Variants in MAGI2 observed in about 807,000 individuals in gnomAD.
The protein encoded by MAGI2 is membrane-associated guanylate kinase, WW and PDZ domain-containing protein 2.
Under a neutral mutation model 133.3 loss-of-function variants are expected in MAGI2, and 35 were observed. That is an observed-to-expected ratio of 0.26 (90% CI 0.20 to 0.35). MAGI2 has a LOEUF of 0.35. Ranked by LOEUF, MAGI2 falls within the 10% of genes least tolerant of loss-of-function variation. The probability of loss-of-function intolerance (pLI) is 1.00; values close to 1 mark genes in which losing one functional copy is unlikely to be tolerated. For missense variants in MAGI2, 1,636 were observed against 1,863.4 expected (o/e 0.88, Z 2.25); for synonymous variants, 729 against 710.6 (o/e 1.03, Z -0.41).
chr7:79,198,733 A>G (rs1828319136), intron 1 of MAGI2, among the ~76,000 whole-genome samples: 1 of 151,824 alleles, frequency 6.6e-6, no homozygotes, highest in African/African-American at 2.4e-5. Context: ...CTGAAAATAA[A>G]AAAAATTAGC....
chr7:78,289,423 C>T (rs1459726297), intron 9 of MAGI2, among the ~76,000 whole-genome samples: 1 of 152,016 alleles, frequency 6.6e-6, no homozygotes, highest in Non-Finnish European at 1.5e-5. Context: ...AAAAAATGAA[C>T]AAAGCCTCCA....
chr7:78,789,083 C>T (rs940271722), intron 2 of MAGI2, among the ~76,000 whole-genome samples: 2 of 152,166 alleles, frequency 1.3e-5, no homozygotes, highest in African/African-American at 2.4e-5. Context: ...TAACAGTTCA[C>T]TTTACATATT....
At chr7:79,198,531 A>G (rs1828293876) in intron 1 of MAGI2, among the ~76,000 whole-genome samples, 1 of 152,048 alleles carries the variant, frequency 6.6e-6, no homozygotes, top group African/African-American at 2.4e-5. Flanking sequence ...ATCCTAAGAA[A>G]TAAGGAAGAT....
intron 1 of MAGI2, among the ~76,000 whole-genome samples, chr7:79,273,510 TTGAA>T (rs1376971065): frequency 6.6e-6 from 1 of 152,120 alleles, no homozygotes; most frequent in Non-Finnish European, 1.5e-5. Context: ...GGCTTAAAAA[TTGAA>T]TGGTTGCAAA....
At chr7:78,972,713 C>T (rs1048245609) in intron 2 of MAGI2, among the ~76,000 whole-genome samples, 2 of 151,602 alleles carry the variant, frequency 1.3e-5, no homozygotes, top group South Asian at 4.1e-4. Flanking sequence ...TTATAAAAAA[C>T]CAAGTAAAGT....
At chr7:78,789,115 A>G (rs1228779262) in intron 2 of MAGI2, among the ~76,000 whole-genome samples, 1 of 152,112 alleles carries the variant, frequency 6.6e-6, no homozygotes, top group African/African-American at 2.4e-5. Flanking sequence ...ATGTGCTTCC[A>G]TTTTTAAAAA....
chr7:78,632,994 A>G (rs1290377298), intron 2 of MAGI2, among the ~76,000 whole-genome samples: 3 of 152,214 alleles, frequency 2.0e-5, no homozygotes, highest in African/African-American at 4.8e-5. Flanking sequence ...GAATCAACCT[A>G]TATGTTCTTC....
chr7:78,070,403 C>T (rs1478675837), intron 21 of MAGI2, among the ~76,000 whole-genome samples: 1 of 143,452 alleles, frequency 7.0e-6, no homozygotes, highest in African/African-American at 2.6e-5. Flanking sequence ...CACCTTTTGC[C>T]CTATGTGTGT....
chr7:78,753,747 T>C (rs1823677106), intron 2 of MAGI2, among the ~76,000 whole-genome samples: 1 of 151,452 alleles, frequency 6.6e-6, no homozygotes, highest in Non-Finnish European at 1.5e-5. Context: ...TCATAACCAA[T>C]TCAATCTCAA....
chr7:78,726,377 T>C (rs1820810587), intron 2 of MAGI2, among the ~76,000 whole-genome samples: 1 of 152,216 alleles, frequency 6.6e-6, no homozygotes, highest in African/African-American at 2.4e-5. Flanking sequence ...TAACTTGAAA[T>C]GTATCTTTGT....
chr7:78,184,743 G>A (rs933031195), intron 13 of MAGI2: 10 of 152,052 alleles, frequency 6.6e-5, no homozygotes, highest in South Asian at 2.1e-4. Flanking sequence ...TAGTGTTTTC[G>A]AAATGGTTAA....
chr7:78,357,415 CAT>C (rs1792195628), intron 7 of MAGI2, among the ~76,000 whole-genome samples: 1 of 152,128 alleles, frequency 6.6e-6, no homozygotes, highest in African/African-American at 2.4e-5. Flanking sequence ...ATAAAATTTA[CAT>C]ATGAGGTCAG....
At chr7:78,602,460 G>A (rs751218203) in intron 3 of MAGI2, among the ~76,000 whole-genome samples, 31 of 151,298 alleles carry the variant, frequency 2.0e-4, no homozygotes, top group Non-Finnish European at 3.2e-4. Context: ...ATACCCGGCC[G>A]ATTAAATATT....
chr7:79,351,391 A>G (rs1396066881), intron 1 of MAGI2, among the ~76,000 whole-genome samples: 1 of 152,208 alleles, frequency 6.6e-6, no homozygotes, highest in Non-Finnish European at 1.5e-5. Flanking sequence ...ACAGAACTGT[A>G]CCAACACAGT....
At chr7:78,950,071 A>C (rs898385088) in intron 2 of MAGI2, among the ~76,000 whole-genome samples, 1 of 151,906 alleles carries the variant, frequency 6.6e-6, no homozygotes, top group Non-Finnish European at 1.5e-5. Context: ...CCTCCTCTGC[A>C]TCTCCTCCCC....
At chr7:78,221,236 C>T (rs944686400) in intron 10 of MAGI2, among the ~76,000 whole-genome samples, 3 of 152,196 alleles carry the variant, frequency 2.0e-5, no homozygotes, top group South Asian at 2.1e-4. Flanking sequence ...ATTCTGGCCT[C>T]TCTTGTGGCT....
At chr7:78,411,164 A>G (rs1158371346) in intron 6 of MAGI2, among the ~76,000 whole-genome samples, 3 of 152,008 alleles carry the variant, frequency 2.0e-5, no homozygotes, top group Non-Finnish European at 4.4e-5. Flanking sequence ...AATGAGCCCT[A>G]TGTAGCAGCC....
intron 1 of MAGI2, among the ~76,000 whole-genome samples, chr7:79,049,486 C>T (rs969238165): frequency 2.0e-5 from 3 of 152,178 alleles, no homozygotes; most frequent in Non-Finnish European, 4.4e-5. Context: ...GGATGGATCC[C>T]TATGCAAAGT....
At chr7:78,562,916 T>A (rs1290706611) in intron 3 of MAGI2, among the ~76,000 whole-genome samples, 1 of 152,062 alleles carries the variant, frequency 6.6e-6, no homozygotes, top group Non-Finnish European at 1.5e-5. Flanking sequence ...AAAGTGAAGC[T>A]TGAAGGCCCC....
Sources: allele counts gnomAD v4.1 joint callset (sites outside exome capture counted in the v4.1 genomes callset), GRCh38; gene constraint gnomAD v4.1.1; transcripts MANE v1.5; gene names NCBI Gene and HGNC (gene_info 2026-07-23, HGNC 2026-07-21).